Variants in RAB38 observed in about 807,000 individuals in gnomAD.
RAB38 encodes ras-related protein Rab-38.
In RAB38, 15 loss-of-function variants were observed where a neutral mutation model predicts 18.4. That is an observed-to-expected ratio of 0.82 (90% CI 0.55 to 1.26). The LOEUF (loss-of-function observed/expected upper bound fraction) is 1.26, where lower values mean the gene tolerates loss of function less well. RAB38 is among the 50% of genes most tolerant of loss of function. The pLI, the probability that RAB38 is intolerant of heterozygous loss-of-function variation, is 0.00. For synonymous variants in RAB38, 101 were observed against 104.4 expected, an observed-to-expected ratio of 0.97 and a Z score of 0.20; for missense variants, 294 against 267.4, an observed-to-expected ratio of 1.10 and a Z score of -0.69.
chr11:88,167,293 G>A (rs1943257126), intron 1 of RAB38: 1 of 152,168 alleles, frequency 6.6e-6, no homozygotes, highest in Non-Finnish European at 1.5e-5. Flanking sequence ...TATCTGGAAT[G>A]TAAAAATCAT....
the RAB38 span, among the ~76,000 whole-genome samples, chr11:88,025,227 A>T: frequency 6.6e-6 from 1 of 150,720 alleles, no homozygotes; most frequent in African/African-American, 2.4e-5. Context: ...TATATAACTT[A>T]TGTATATAAC....
At chr11:87,827,906 G>A in the RAB38 span, among the ~76,000 whole-genome samples, 3 of 152,178 alleles carry the variant, frequency 2.0e-5, no homozygotes. Flanking sequence ...AAAACTGACA[G>A]CTTCTAAATG....
At chr11:87,974,214 A>G in the RAB38 span, among the ~76,000 whole-genome samples, 1 of 150,996 alleles carries the variant, frequency 6.6e-6, no homozygotes, top group Non-Finnish European at 1.5e-5. Context: ...TGATGTAAGT[A>G]TGTTCTCAAG....
At chr11:88,032,193 C>T in the RAB38 span, among the ~76,000 whole-genome samples, 1 of 152,166 alleles carries the variant, frequency 6.6e-6, no homozygotes, top group South Asian at 2.1e-4. Context: ...AAAGCTGAAA[C>T]TGGATCCCTT....
At chr11:87,860,601 T>C in the RAB38 span, among the ~76,000 whole-genome samples, 1 of 151,974 alleles carries the variant, frequency 6.6e-6, no homozygotes, top group African/African-American at 2.4e-5. Flanking sequence ...TAAAATGAAT[T>C]GAAACCTTTG....
At chr11:88,035,471 C>G in the RAB38 span, among the ~76,000 whole-genome samples, 29 of 152,050 alleles carry the variant, frequency 1.9e-4, no homozygotes, top group Non-Finnish European at 4.0e-4. Context: ...TTAAGGAGTA[C>G]TGACTCACAC....
the RAB38 span, among the ~76,000 whole-genome samples, chr11:88,078,590 G>T: frequency 6.6e-6 from 1 of 151,662 alleles, no homozygotes; most frequent in Admixed American, 6.6e-5. Context: ...GGTGGAACTG[G>T]AGGTCATTAT....
the RAB38 span, among the ~76,000 whole-genome samples, chr11:88,017,931 C>T: frequency 0.71 from 108,127 of 151,242 alleles, 39,067 homozygotes; most frequent in African/African-American, 0.81. Context: ...ATTCTTGTCA[C>T]AGTGAATAAG....
At chr11:88,089,196 T>A in the RAB38 span, among the ~76,000 whole-genome samples, 1 of 151,590 alleles carries the variant, frequency 6.6e-6, no homozygotes, top group Non-Finnish European at 1.5e-5. Context: ...CATCTTGACA[T>A]CCCAGATGCT....
At chr11:87,865,461 G>T in the RAB38 span, among the ~76,000 whole-genome samples, 1 of 151,682 alleles carries the variant, frequency 6.6e-6, no homozygotes, top group East Asian at 1.9e-4. Flanking sequence ...TCTGGCTCAT[G>T]CGTACCTAGA....
the RAB38 span, among the ~76,000 whole-genome samples, chr11:88,060,899 AG>A: frequency 1.3e-5 from 2 of 152,238 alleles, no homozygotes; most frequent in African/African-American, 4.8e-5. Flanking sequence ...GTGATATGTT[AG>A]GAACTGTGGG....
chr11:88,075,037 G>A, the RAB38 span, among the ~76,000 whole-genome samples: 5,065 of 152,102 alleles, frequency 0.033, 226 homozygotes, highest in South Asian at 0.073. Context: ...CTAAACCCTG[G>A]AGCACCCAAA....
At chr11:88,019,026 C>G in the RAB38 span, among the ~76,000 whole-genome samples, 2 of 152,048 alleles carry the variant, frequency 1.3e-5, no homozygotes, top group Middle Eastern at 3.4e-3. Context: ...CACTTCTTTT[C>G]TATTTTCTTT....
At chr11:88,089,387 A>G in the RAB38 span, among the ~76,000 whole-genome samples, 90 of 150,038 alleles carry the variant, frequency 6.0e-4, 1 homozygote, top group East Asian at 9.8e-3. Flanking sequence ...TGAGGTTTCA[A>G]TGCTGCTTTT....
At position 88,113,888 on chromosome 11, in the gene RAB38, G is replaced by C; in HGVS notation, c.*100C>G. 1 of 1,394,690 alleles carries C rather than the reference G, an allele frequency of 7.2e-7. No individual in the cohort carries two copies. The highest frequency in any genetic ancestry group is 1.0e-6 in the Non-Finnish European group (1 of 1,003,002). The allele number at this position is 1,394,690 out of a possible 1,614,324, so 86.4% of individuals were successfully genotyped here. A position where few individuals can be genotyped will look rare whatever the true frequency, so the allele number is the denominator to read the frequency against. ...GGCATAGATCTTTGGCTTGCCACAT[G>C]TGGTATCTCTATCCTGACGTTTACC... On this transcript the variant is annotated 3_prime_UTR_variant, in exon 3 of 3. Coordinates refer to ENST00000243662, the MANE Select transcript of RAB38 (RefSeq NM_022337.3).
chr11:87,895,385 G>A, the RAB38 span, among the ~76,000 whole-genome samples: 1 of 151,610 alleles, frequency 6.6e-6, no homozygotes, highest in African/African-American at 2.4e-5. Context: ...GGGTACTGAG[G>A]GAGGGCGATT....
At chr11:87,956,029 A>G in the RAB38 span, among the ~76,000 whole-genome samples, 1 of 152,256 alleles carries the variant, frequency 6.6e-6, no homozygotes, top group East Asian at 1.9e-4. Context: ...GCTAAACCAA[A>G]AATGTTTAAA....
chr11:88,096,339 T>C, the RAB38 span, among the ~76,000 whole-genome samples: 2 of 151,892 alleles, frequency 1.3e-5, no homozygotes, highest in African/African-American at 4.8e-5. Flanking sequence ...TCAGATATTT[T>C]CATAGCTTGG....
the RAB38 span, among the ~76,000 whole-genome samples, chr11:87,896,004 T>A: frequency 6.6e-6 from 1 of 151,714 alleles, no homozygotes. Context: ...TTATTCTGAA[T>A]CAGTTAATAA....
Sources: gnomAD v4.1 joint callset for allele counts (sites outside exome capture counted in the v4.1 genomes callset) on GRCh38, gnomAD v4.1.1 for gene constraint, MANE v1.5 for transcripts, NCBI Gene and HGNC (gene_info 2026-07-23, HGNC 2026-07-21) for gene names.